Variants in DDB2 observed in about 807,000 individuals in gnomAD.
The protein encoded by DDB2 is DNA damage-binding protein 2.
In DDB2, 27 loss-of-function variants were observed where a neutral mutation model predicts 50.5. That is an observed-to-expected ratio of 0.53 (90% CI 0.39 to 0.74). The LOEUF is 0.74. Ranked by LOEUF, DDB2 falls within the 30% of genes least tolerant of loss-of-function variation. The probability of loss-of-function intolerance (pLI) is 0.00; values close to 1 mark genes in which losing one functional copy is unlikely to be tolerated. For synonymous variants in DDB2, 176 were observed against 205.5 expected (o/e 0.86, Z 1.23); for missense variants, 424 against 545.6 (o/e 0.78, Z 2.22).
At chr11:47,216,246 G>A in intron 1 of DDB2, 90 bp from the exon 2 acceptor site, 5 of 1,586,842 alleles carry the variant, frequency 3.2e-6, no homozygotes, top group Non-Finnish European at 4.3e-6. Context: ...GATTAACCGT[G>A]CCGAATGAAA....
At position 47,235,372 on chromosome 11, in the gene DDB2, C is replaced by T. The variant is rs145822896; in HGVS notation, c.983C>T (p.Pro328Leu). 16 of 1,613,734 alleles carry T rather than the reference C, an allele frequency of 9.9e-6. No individual in the cohort carries two copies. Among genetic ancestry groups the T allele is most frequent in the East Asian group, 2.2e-5 (1 of 44,886 alleles). Residue 328 changes from proline to leucine, a missense_variant, in exon 7 of 10, where the codon CCG (proline) becomes CTG (leucine). Physicochemically the swap from Pro to Leu is moderately conservative, Grantham distance 98 (BLOSUM62 -3). Transcript: ENST00000256996. ...SQWDCPLGLI[P>L]HPHRHFQHLT... ...TGGGACTGCCCCCTGGGCCTGATCC[C>T]GCACCCTCACCGTCACTTCCAGCAC...
chr11:47,214,892 C>T, upstream of DDB2: 2 of 567,296 alleles, frequency 3.5e-6, no homozygotes, highest in South Asian at 4.0e-5. Flanking sequence ...GGCACCGCCC[C>T]TTGGCACCAC....
intron 3 of DDB2, among the ~76,000 whole-genome samples, chr11:47,218,222 G>A (rs1953429026): frequency 6.6e-6 from 1 of 152,174 alleles, no homozygotes; most frequent in Non-Finnish European, 1.5e-5. Context: ...GAGATCTGAT[G>A]CTTATTTGTA....
intron 3 of DDB2, among the ~76,000 whole-genome samples, chr11:47,231,119 C>CAAAAAAAAAAAAAAAAA (rs139290057): frequency 5.1e-5 from 3 of 58,372 alleles, no homozygotes; most frequent in Non-Finnish European, 9.4e-5. Context: ...GCCTTCATCT[C>CAAAAAAAAAAAAAAAAA]AAAAAAAAAA....
chr11:47,216,991 G>C lies in DDB2; in HGVS notation c.398G>C (p.Gly133Ala), dbSNP rs139968905. Residue 133 changes from glycine to alanine, a missense_variant, in exon 3 of 10, where the codon GGG becomes GCG. Transcript: ENST00000256996. ...HPSTVAVGSK[G>A]GDIMLWNFGI... is the part of the protein sequence containing the mutation. ...AGCACCGTGGCTGTGGGTTCCAAAG[G>C]GGGAGATATCATGCTCTGGAATTTT... 1.2e-6 allele frequency: 2 copies of C among 1,614,160 alleles called. No individual in the cohort carries two copies. The highest frequency in any genetic ancestry group is 1.7e-6 in the Non-Finnish European group (2 of 1,180,040).
At chr11:47,234,000 T>C (rs1953687532) in intron 4 of DDB2, among the ~76,000 whole-genome samples, 2 of 152,148 alleles carry the variant, frequency 1.3e-5, no homozygotes, top group African/African-American at 4.8e-5. Flanking sequence ...AGAGAAAAAC[T>C]GTGAGCTGAG....
intron 3 of DDB2, among the ~76,000 whole-genome samples, chr11:47,223,214 G>A (rs964868190): frequency 1.3e-5 from 2 of 152,252 alleles, no homozygotes; most frequent in Non-Finnish European, 2.9e-5. Flanking sequence ...GCTGGGCGCT[G>A]TGGCTTACGC....
intron 6 of DDB2, 124 bp downstream of exon 6, chr11:47,235,058 G>A (rs1331887658): frequency 7.5e-7 from 1 of 1,337,720 alleles, no homozygotes; most frequent in Admixed American, 1.9e-5. Flanking sequence ...CCAAGCTGAT[G>A]TCTGGGAACC....
At chr11:47,235,024 A>T in intron 6 of DDB2, 90 bp downstream of exon 6, 1 of 1,469,932 alleles carries the variant, frequency 6.8e-7, no homozygotes, top group East Asian at 2.3e-5. Context: ...CACTACGTCA[A>T]ACCTTTACCC....
chr11:47,218,575 T>C (rs924422578), intron 3 of DDB2, among the ~76,000 whole-genome samples: 1 of 152,198 alleles, frequency 6.6e-6, no homozygotes, highest in Non-Finnish European at 1.5e-5. Flanking sequence ...GGAATGGTCT[T>C]TGTTGTGCTA....
In DDB2 at chr11:47,216,896, C is replaced by T; in HGVS notation, c.303C>T (p.Tyr101=). 1 of 1,614,082 alleles carries T rather than the reference C, an allele frequency of 6.2e-7. No individual in the cohort carries two copies. Among genetic ancestry groups the T allele is most frequent in the Non-Finnish European group, 8.5e-7 (1 of 1,180,024 alleles). ...CCTTTTTGCACACTCTGGATTCTTACCGGATATTACAAAAGGCTGCCCCCT... is the reference window on the plus strand; with the variant it reads ...CCTTTTTGCACACTCTGGATTCTTATCGGATATTACAAAAGGCTGCCCCCT... ...QQSFLHTLDS[Y]RILQKAAPFD... The change falls in exon 3 of 10, where the codon TAC becomes TAT. Residue 101 remains tyrosine (Y), a synonymous_variant. Coordinates refer to ENST00000256996, the MANE Select transcript of DDB2 (RefSeq NM_000107.3).
intron 3 of DDB2, among the ~76,000 whole-genome samples, chr11:47,219,409 G>A (rs1190196046): frequency 6.6e-6 from 1 of 151,970 alleles, no homozygotes; most frequent in Non-Finnish European, 1.5e-5. Context: ...CACCCAGGCT[G>A]GAGTGCAGTG....
intron 4 of DDB2, chr11:47,233,161 G>A: frequency 1.5e-6 from 1 of 645,224 alleles, no homozygotes; most frequent in Non-Finnish European, 2.8e-6. Context: ...CTTTGGGAAG[G>A]TGTTCTGGAG....
chr11:47,219,961 T>A (rs1016623399), intron 3 of DDB2, among the ~76,000 whole-genome samples: 11 of 152,102 alleles, frequency 7.2e-5, no homozygotes, highest in African/African-American at 1.7e-4. Flanking sequence ...CTACTTTTTT[T>A]ATATTTTTTA....
At chr11:47,235,151 T>C in intron 6 of DDB2, 119 bp from the exon 7 acceptor site, 2 of 1,468,746 alleles carry the variant, frequency 1.4e-6, no homozygotes, top group Non-Finnish European at 1.9e-6. Flanking sequence ...CACCTCTTCC[T>C]TTCCGCTCCT....
intron 4 of DDB2, chr11:47,233,428 G>A (rs745519132): frequency 5.7e-5 from 13 of 228,992 alleles, no homozygotes; most frequent in Admixed American, 1.5e-4. Context: ...GAATGCGGCC[G>A]GGTGCAGTGG....
At chr11:47,227,652 C>G (rs557586609) in intron 3 of DDB2, among the ~76,000 whole-genome samples, 38 of 152,068 alleles carry the variant, frequency 2.5e-4, no homozygotes, top group African/African-American at 8.7e-4. Context: ...CTGGCACCCA[C>G]CACCACGCCC....
At position 47,215,156 on chromosome 11, in the gene DDB2, C is replaced by T. The variant is rs369110013; in HGVS notation, c.20C>T (p.Pro7Leu). MAPKKR[P>L]ETQKTSEIVL... The stretch of plus-strand genomic sequence containing the variant: ...GACGCGATGGCTCCCAAGAAACGCC[C>T]AGAAACCCAGAAGACCTCCGAGATT... Residue 7 changes from proline (P) to leucine (L), a missense_variant, in exon 1 of 10, where the codon CCA (proline) becomes CTA (leucine). By Grantham distance (98) the Pro-to-Leu change is moderately conservative. Coordinates refer to ENST00000256996, the MANE Select transcript of DDB2 (RefSeq NM_000107.3). 6.2e-6 allele frequency: 10 copies of T among 1,614,050 alleles called. No individual in the cohort carries two copies. Among genetic ancestry groups the T allele is most frequent in the Non-Finnish European group, 7.6e-6 (9 of 1,180,014 alleles).
chr11:47,232,093 C>T (rs1320081541), intron 3 of DDB2, among the ~76,000 whole-genome samples: 1 of 152,068 alleles, frequency 6.6e-6, no homozygotes, highest in African/African-American at 2.4e-5. Flanking sequence ...CCTGTAATCC[C>T]AGCACTTTGG....
Sources: allele counts gnomAD v4.1 joint callset (sites outside exome capture counted in the v4.1 genomes callset), GRCh38; gene constraint gnomAD v4.1.1; transcripts MANE v1.5; gene names NCBI Gene and HGNC (gene_info 2026-07-23, HGNC 2026-07-21).